The following CTNNBL1 variants were observed in gnomAD, a reference collection of about 807,000 sequenced individuals.
The protein encoded by CTNNBL1 is catenin beta like 1.
In CTNNBL1, 31 loss-of-function variants were observed where a neutral mutation model predicts 72.7. The ratio of observed to expected loss-of-function variants is 0.43; its 90% CI spans 0.32 to 0.58. The LOEUF (loss-of-function observed/expected upper bound fraction) is 0.58. Among genes scored for constraint, CTNNBL1 ranks in the 20% least tolerant of loss-of-function variants. The pLI is 0.08. For missense variants in CTNNBL1, 534 were observed against 725.1 expected, an observed-to-expected ratio of 0.74 and a Z score of 3.03; for synonymous variants, 240 against 267.3, an observed-to-expected ratio of 0.90 and a Z score of 1.00.
rs138904874 is a variant in CTNNBL1, at chr20:37,787,590, C to T, written c.1031+8255C>T. Among the ~76,000 whole-genome samples, 799 of 152,268 alleles carry T rather than the reference C, an allele frequency of 5.2e-3. 13 individuals carry two copies. Among genetic ancestry groups the T allele is most frequent in the African/African-American group, 0.018 (768 of 41,552 alleles). The stretch of plus-strand genomic sequence containing the variant: ...CGATCTCCTGACCTCGTGATCCGCA[C>T]GCCTTGGCCTCCCAAAGTGCTGGGA... On this transcript the variant is annotated intron_variant, in intron 10 of 15. Transcript: ENST00000361383.
intron 10 of CTNNBL1, among the ~76,000 whole-genome samples, chr20:37,801,743 C>G (rs1358750418): frequency 6.6e-6 from 1 of 152,174 alleles, no homozygotes; most frequent in African/African-American, 2.4e-5. Context: ...AAACCCATAA[C>G]TAATGTCATA....
chr20:37,797,354 C>CTTTTTTT (rs76016183), intron 10 of CTNNBL1, among the ~76,000 whole-genome samples: 7 of 103,936 alleles, frequency 6.7e-5, no homozygotes, highest in South Asian at 3.1e-4. Context: ...CACCTTGTTG[C>CTTTTTTT]TTTTTTTTTT....
chr20:37,769,533 A>G (rs2073504381), intron 7 of CTNNBL1, among the ~76,000 whole-genome samples: 2 of 152,176 alleles, frequency 1.3e-5, no homozygotes, highest in Non-Finnish European at 2.9e-5. Flanking sequence ...TTCTTTGTCC[A>G]TATTTCTATT....
At chr20:37,762,396 A>G (rs2073425857) in intron 5 of CTNNBL1, among the ~76,000 whole-genome samples, 1 of 152,110 alleles carries the variant, frequency 6.6e-6, no homozygotes, top group Non-Finnish European at 1.5e-5. Context: ...TCTCTTTTTT[A>G]TTTCCTCCTC....
intron 2 of CTNNBL1, among the ~76,000 whole-genome samples, chr20:37,734,800 G>A (rs149798104): frequency 6.6e-6 from 1 of 152,216 alleles, no homozygotes; most frequent in Non-Finnish European, 1.5e-5. Context: ...AGCTATTGGA[G>A]ATACTGCTGT....
chr20:37,856,065 C>T (rs2072437628), intron 13 of CTNNBL1, among the ~76,000 whole-genome samples: 1 of 152,126 alleles, frequency 6.6e-6, no homozygotes, highest in African/African-American at 2.4e-5. Context: ...GGTGAAACCA[C>T]ATCTCTACTA....
At chr20:37,775,958 A>G (rs1323993335) in intron 7 of CTNNBL1, among the ~76,000 whole-genome samples, 2 of 152,236 alleles carry the variant, frequency 1.3e-5, no homozygotes, top group African/African-American at 4.8e-5. Flanking sequence ...TAATAGCAGT[A>G]CTTGGAACTT....
chr20:37,871,369 A>G (rs1168635198), intron 15 of CTNNBL1, among the ~76,000 whole-genome samples: 1 of 152,094 alleles, frequency 6.6e-6, no homozygotes, highest in Non-Finnish European at 1.5e-5. Context: ...ACTTCCTCAC[A>G]ATTCTGGAGG....
intron 10 of CTNNBL1, among the ~76,000 whole-genome samples, chr20:37,788,393 G>A (rs1019012094): frequency 3.9e-5 from 6 of 152,138 alleles, no homozygotes; most frequent in Non-Finnish European, 5.9e-5. Flanking sequence ...ATTGGCCCAC[G>A]GAATTTTTGG....
intron 1 of CTNNBL1, among the ~76,000 whole-genome samples, chr20:37,714,089 G>A (rs6020419): frequency 0.49 from 74,941 of 151,838 alleles, 21,089 homozygotes; most frequent in African/African-American, 0.78. Context: ...AAACAAGAAG[G>A]AAGACCTTCG....
chr20:37,804,717 G>A (rs975603134), intron 11 of CTNNBL1, among the ~76,000 whole-genome samples: 1 of 152,202 alleles, frequency 6.6e-6, no homozygotes, highest in African/African-American at 2.4e-5. Flanking sequence ...GGAACAGAGT[G>A]TGAAGGAAAA....
In CTNNBL1 at chr20:37,707,906, C is replaced by T. The variant is rs1265739551; in HGVS notation, c.30+13754C>T. 2.0e-5 allele frequency among the ~76,000 whole-genome samples: 3 copies of T among 150,288 alleles called. No homozygotes were observed. In the East Asian group the frequency reaches 5.8e-4, roughly 29 times the overall value. On this transcript the variant is annotated intron_variant, in intron 1 of 15. Coordinates refer to ENST00000361383, the MANE Select transcript of CTNNBL1 (RefSeq NM_030877.5). ...TTACTTAATTGCAGTATTGTTGTGTCTCAGAGAATAGGGAGACCTGAGGAG... is the reference window on the plus strand; with the variant it reads ...TTACTTAATTGCAGTATTGTTGTGTTTCAGAGAATAGGGAGACCTGAGGAG...
intron 1 of CTNNBL1, chr20:37,727,281 T>A (rs1600447792): frequency 1.1e-6 from 1 of 921,774 alleles, no homozygotes; most frequent in African/African-American, 1.8e-5. Flanking sequence ...TTCATGAAGA[T>A]GTCTTGATTT....
At chr20:37,819,411 A>G (rs1367925235) in intron 11 of CTNNBL1, among the ~76,000 whole-genome samples, 1 of 152,062 alleles carries the variant, frequency 6.6e-6, no homozygotes, top group Non-Finnish European at 1.5e-5. Context: ...TCACCTGTAC[A>G]TTTTCCTTTT....
intron 1 of CTNNBL1, among the ~76,000 whole-genome samples, chr20:37,715,423 A>G (rs1179336195): frequency 6.6e-6 from 1 of 152,238 alleles, no homozygotes; most frequent in Non-Finnish European, 1.5e-5. Flanking sequence ...CACATAGTTA[A>G]TGGTAACTGT....
At chr20:37,853,379 A>C (rs2072412956) in intron 13 of CTNNBL1, among the ~76,000 whole-genome samples, 1 of 152,224 alleles carries the variant, frequency 6.6e-6, no homozygotes, top group Non-Finnish European at 1.5e-5. Context: ...GGCAGGGAGA[A>C]GCTTGTGATG....
At chr20:37,713,710 G>A (rs1046452400) in intron 1 of CTNNBL1, among the ~76,000 whole-genome samples, 6 of 152,182 alleles carry the variant, frequency 3.9e-5, no homozygotes, top group African/African-American at 1.4e-4. Context: ...CAGGGATGGC[G>A]TGTTCCTGAA....
chr20:37,739,030 C>T (rs1030285237), intron 3 of CTNNBL1, among the ~76,000 whole-genome samples: 1 of 151,766 alleles, frequency 6.6e-6, no homozygotes, highest in South Asian at 2.1e-4. Flanking sequence ...GCTTATCCAG[C>T]ATTAGAGTCC....
chr20:37,821,081 C>G (rs1034841317), intron 11 of CTNNBL1, among the ~76,000 whole-genome samples: 1 of 152,212 alleles, frequency 6.6e-6, no homozygotes, highest in African/African-American at 2.4e-5. Context: ...CTTTTCTCTC[C>G]TCCACATCTT....
Sources: allele counts gnomAD v4.1 joint callset (sites outside exome capture counted in the v4.1 genomes callset), GRCh38; gene constraint gnomAD v4.1.1; transcripts MANE v1.5; gene names NCBI Gene and HGNC (gene_info 2026-07-23, HGNC 2026-07-21).